LRRIQ4: variants seen among roughly 807,000 people sequenced by gnomAD.
The protein encoded by LRRIQ4 is leucine-rich repeat and IQ domain-containing protein 4.
Under a neutral mutation model 40.1 loss-of-function variants are expected in LRRIQ4, and 21 were observed. That is an observed-to-expected ratio of 0.52 (90% CI 0.37 to 0.75). The LOEUF is 0.75. LRRIQ4 is among the 30% of genes least tolerant of loss of function. The pLI is 0.00. For synonymous variants in LRRIQ4, 277 were observed against 277.1 expected, an observed-to-expected ratio of 1.00 and a Z score of 0.00; for missense variants, 655 against 660.0, an observed-to-expected ratio of 0.99 and a Z score of 0.08.
At chr3:169,816,062 C>T (rs77395532) in intron 1 of LRRIQ4, among the ~76,000 whole-genome samples, 3,352 of 152,182 alleles carry the variant, frequency 0.022, 55 homozygotes, top group Non-Finnish European at 0.036. Context: ...TGAGGATCTT[C>T]GCTGAGAAGA....
At position 169,822,229 on chromosome 3, in the gene LRRIQ4, A is replaced by G. The variant is rs1779912865; in HGVS notation, c.308A>G (p.Tyr103Cys). 5 of 1,604,698 alleles carry G rather than the reference A, an allele frequency of 3.1e-6. No individual in the cohort carries two copies. Among genetic ancestry groups the G allele is most frequent in the Middle Eastern group, 3.3e-4 (2 of 5,994 alleles). ...AGCCTGGAGAGCCTGGACCTGAGCT[A>G]CAACCCCATCTTCTCCTCCTCCCTT... ...LSSLESLDLS[Y>C]NPIFSSSLVV... Residue 103 changes from tyrosine (Y) to cysteine (C), a missense_variant, in exon 2 of 6, where the codon TAC (tyrosine) becomes TGC (cysteine). Coordinates refer to ENST00000340806, the MANE Select transcript of LRRIQ4 (RefSeq NM_001080460.3).
At chr3:169,830,008 T>C (rs1780125968) in intron 3 of LRRIQ4, among the ~76,000 whole-genome samples, 1 of 152,190 alleles carries the variant, frequency 6.6e-6, no homozygotes, top group Non-Finnish European at 1.5e-5. Context: ...GTACAAACAT[T>C]AGATTTTTGC....
intron 5 of LRRIQ4, 42 bp from the exon 6 acceptor site, chr3:169,837,437 T>G: frequency 6.4e-7 from 1 of 1,572,322 alleles, no homozygotes; most frequent in Non-Finnish European, 8.6e-7. Flanking sequence ...CAGTTCATTG[T>G]GATACCAGCC....
At chr3:169,823,446 C>T (rs1779965495) in intron 2 of LRRIQ4, among the ~76,000 whole-genome samples, 1 of 151,522 alleles carries the variant, frequency 6.6e-6, no homozygotes, top group African/African-American at 2.4e-5. Flanking sequence ...CTCCCGGGTT[C>T]AAGCGGTTCT....
At chr3:169,827,386 C>T (rs560649556) in intron 2 of LRRIQ4, among the ~76,000 whole-genome samples, 5 of 151,952 alleles carry the variant, frequency 3.3e-5, no homozygotes, top group Admixed American at 6.6e-5. Flanking sequence ...GGCGGGCGGA[C>T]CACGAGGTCA....
At chr3:169,824,783 G>T (rs1780003840) in intron 2 of LRRIQ4, among the ~76,000 whole-genome samples, 1 of 152,018 alleles carries the variant, frequency 6.6e-6, no homozygotes, top group African/African-American at 2.4e-5. Context: ...AAAGTGCTGG[G>T]ATTACAGGTG....
chr3:169,825,613 A>C (rs1184902228), intron 2 of LRRIQ4, among the ~76,000 whole-genome samples: 3 of 152,250 alleles, frequency 2.0e-5, no homozygotes, highest in African/African-American at 7.2e-5. Flanking sequence ...GGGATAACAC[A>C]TTATACTGAG....
intron 1 of LRRIQ4, among the ~76,000 whole-genome samples, chr3:169,818,328 A>AAAC (rs1481540820): frequency 1.3e-5 from 2 of 152,138 alleles, no homozygotes; most frequent in African/African-American, 2.4e-5. Context: ...AAAACCAGGG[A>AAAC]CTGTGATTGC....
chr3:169,824,586 C>T (rs1576764436), intron 2 of LRRIQ4, among the ~76,000 whole-genome samples: 1 of 152,040 alleles, frequency 6.6e-6, no homozygotes, highest in East Asian at 1.9e-4. Flanking sequence ...TATCTTGGCT[C>T]ACTGCAACCT....
At chr3:169,835,916 G>C (rs1342742952) in intron 5 of LRRIQ4, among the ~76,000 whole-genome samples, 2 of 152,060 alleles carry the variant, frequency 1.3e-5, no homozygotes, top group Non-Finnish European at 2.9e-5. Flanking sequence ...TTCCATCTCT[G>C]CTTAAACATT....
At chr3:169,813,769 T>G (rs9867502) in intron 1 of LRRIQ4, among the ~76,000 whole-genome samples, 2,384 of 152,302 alleles carry the variant, frequency 0.016, 67 homozygotes, top group African/African-American at 0.055. Context: ...ATCCCTTCAT[T>G]CCTTCCTTGC....
At position 169,830,333 on chromosome 3, in the gene LRRIQ4, A is replaced by G. The variant is rs567218463; in HGVS notation, c.1195-159A>G. On this transcript the variant is annotated intron_variant, in intron 3 of 5. Transcript: ENST00000340806. ...GGGTCTTGATGATGGTCCTTTAGAC[A>G]TGCTTTTTCCCTTAACTCAATGCGT... 2.3e-5 allele frequency among the ~76,000 whole-genome samples: 3 copies of G among 132,640 alleles called. 1 individual carries two copies. The highest frequency in any genetic ancestry group is 8.2e-5 in the African/African-American group (3 of 36,474). The allele number at this position is 132,640 out of a possible 152,430, so 87.0% of individuals were successfully genotyped here.
chr3:169,829,811 TTAA>T (rs765192895), intron 3 of LRRIQ4, among the ~76,000 whole-genome samples: 6 of 152,234 alleles, frequency 3.9e-5, no homozygotes, highest in Non-Finnish European at 8.8e-5. Context: ...TGCTGCACTC[TTAA>T]TGATGATAAA....
At chr3:169,818,847 T>G (rs963250705) in intron 1 of LRRIQ4, among the ~76,000 whole-genome samples, 5 of 152,212 alleles carry the variant, frequency 3.3e-5, no homozygotes, top group Admixed American at 1.3e-4. Context: ...GAAATGGGTT[T>G]TTATGCTAAC....
At chr3:169,826,510 T>G (rs77879098) in intron 2 of LRRIQ4, among the ~76,000 whole-genome samples, 3,306 of 152,308 alleles carry the variant, frequency 0.022, 51 homozygotes, top group Non-Finnish European at 0.036. Flanking sequence ...CTCTACAGAT[T>G]TTCTATACAT....
At chr3:169,820,188 G>T (rs927514351) in intron 1 of LRRIQ4, among the ~76,000 whole-genome samples, 1 of 151,720 alleles carries the variant, frequency 6.6e-6, no homozygotes, top group Non-Finnish European at 1.5e-5. Flanking sequence ...GAAGTTCAAA[G>T]ACGCTACCGC....
At chr3:169,821,682 T>C (rs550749181) in intron 1 of LRRIQ4, among the ~76,000 whole-genome samples, 1 of 144,424 alleles carries the variant, frequency 6.9e-6, no homozygotes, top group Non-Finnish European at 1.6e-5. Context: ...GTTAATCTCT[T>C]TTTTTTTTTC....
chr3:169,822,769 A>C lies in LRRIQ4; in HGVS notation c.848A>C (p.His283Pro). 1 of 1,613,634 alleles carries C rather than the reference A, an allele frequency of 6.2e-7. No individual in the cohort carries two copies. The highest frequency in any genetic ancestry group is 8.5e-7 in the Non-Finnish European group (1 of 1,179,702). Reference protein sequence around the residue: ...PRLICRWTSLHLLYLGNTGLH... With the variant: ...PRLICRWTSLPLLYLGNTGLH... Reference sequence around the variant, plus strand: ...CTCATTTGCAGGTGGACCTCGCTGCACCTGCTCTACCTGGGAAACACCGGC... The same window carrying C: ...CTCATTTGCAGGTGGACCTCGCTGCCCCTGCTCTACCTGGGAAACACCGGC... Residue 283 changes from histidine (H) to proline (P), a missense_variant, in exon 2 of 6, where the codon CAC becomes CCC. Physicochemically the swap from His to Pro is moderately conservative, Grantham distance 77 (BLOSUM62 -2). Transcript: ENST00000340806.
chr3:169,829,451 A>G (rs1463280021), intron 3 of LRRIQ4, among the ~76,000 whole-genome samples: 1 of 151,900 alleles, frequency 6.6e-6, no homozygotes, highest in African/African-American at 2.4e-5. Flanking sequence ...CAAAGTAGCC[A>G]TAGTAGGGTG....
Sources: gnomAD v4.1 joint callset for allele counts (sites outside exome capture counted in the v4.1 genomes callset) on GRCh38, gnomAD v4.1.1 for gene constraint, MANE v1.5 for transcripts, NCBI Gene and HGNC (gene_info 2026-07-23, HGNC 2026-07-21) for gene names.